RASAL2: variants seen among roughly 807,000 people sequenced by gnomAD.
RASAL2 encodes the protein ras GTPase-activating protein nGAP.
Under a neutral mutation model 128.9 loss-of-function variants are expected in RASAL2, and 58 were observed. That is an observed-to-expected ratio of 0.45 (90% CI 0.36 to 0.56). The LOEUF (loss-of-function observed/expected upper bound fraction) is 0.56. Among genes scored for constraint, RASAL2 ranks in the 20% least tolerant of loss-of-function variants. The probability of loss-of-function intolerance (pLI) is 0.00; values close to 1 mark genes in which losing one functional copy is unlikely to be tolerated. For synonymous variants in RASAL2, 561 were observed against 580.8 expected (o/e 0.97, Z 0.49); for missense variants, 1,360 against 1,601.6 (o/e 0.85, Z 2.57).
chr1:178,327,922 G>C (rs917328782), intron 3 of RASAL2, among the ~76,000 whole-genome samples: 3 of 152,214 alleles, frequency 2.0e-5, no homozygotes, highest in Admixed American at 6.5e-5. Context: ...ACAATGATTG[G>C]AGTAAAGCAG....
chr1:178,259,922 G>A (rs1469785950), intron 1 of RASAL2, among the ~76,000 whole-genome samples: 1 of 152,148 alleles, frequency 6.6e-6, no homozygotes, highest in Non-Finnish European at 1.5e-5. Context: ...ACTTCAGAGT[G>A]TAGAGTACAG....
intron 3 of RASAL2, among the ~76,000 whole-genome samples, chr1:178,313,841 A>T (rs908276142): frequency 2.6e-5 from 4 of 152,142 alleles, no homozygotes; most frequent in African/African-American, 9.7e-5. Context: ...GTTTTTCCTT[A>T]TCTAAGGTAA....
intron 1 of RASAL2, among the ~76,000 whole-genome samples, chr1:178,114,457 A>G (rs1020775657): frequency 1.3e-4 from 19 of 151,730 alleles, no homozygotes; most frequent in East Asian, 3.9e-4. Context: ...TCCTGTATCT[A>G]TGGAGAAGAC....
intron 4 of RASAL2, among the ~76,000 whole-genome samples, chr1:178,401,527 G>A (rs1487588914): frequency 6.6e-6 from 1 of 152,176 alleles, no homozygotes; most frequent in Admixed American, 6.5e-5. Context: ...GTAGTTCCAA[G>A]CTATTTGGGA....
chr1:178,183,036 G>A (rs753016192), intron 1 of RASAL2, among the ~76,000 whole-genome samples: 1 of 152,152 alleles, frequency 6.6e-6, no homozygotes, highest in African/African-American at 2.4e-5. Flanking sequence ...AGCTCAGGCA[G>A]TAATGCTCAC....
chr1:178,445,091 G>A (rs12060775), intron 8 of RASAL2, among the ~76,000 whole-genome samples: 5,719 of 151,222 alleles, frequency 0.038, 356 homozygotes, highest in African/African-American at 0.13. Flanking sequence ...CTACCTGACA[G>A]TGGGAGTGGA....
intron 17 of RASAL2, among the ~76,000 whole-genome samples, chr1:178,467,996 TAAAA>T (rs979331039): frequency 6.6e-6 from 1 of 152,158 alleles, no homozygotes; most frequent in African/African-American, 2.4e-5. Context: ...GATAAAACTT[TAAAA>T]AAAGAAAAGG....
intron 1 of RASAL2, among the ~76,000 whole-genome samples, chr1:178,229,891 C>G (rs1663931525): frequency 6.6e-6 from 1 of 152,044 alleles, no homozygotes; most frequent in African/African-American, 2.4e-5. Flanking sequence ...CCTCATAATC[C>G]AGATCCCTAT....
At chr1:178,397,530 A>G (rs1345928595) in intron 4 of RASAL2, among the ~76,000 whole-genome samples, 1 of 152,170 alleles carries the variant, frequency 6.6e-6, no homozygotes, top group Non-Finnish European at 1.5e-5. Context: ...CATAATGAAA[A>G]TGTTCAGGAA....
At chr1:178,442,569 TG>T in intron 7 of RASAL2, 105 bp from the exon 8 acceptor site, 1 of 880,852 alleles carries the variant, frequency 1.1e-6, no homozygotes, top group Non-Finnish European at 1.7e-6. Flanking sequence ...CATTATTTGT[TG>T]ACTCCCCTTA....
intron 1 of RASAL2, among the ~76,000 whole-genome samples, chr1:178,106,800 A>C (rs564847993): frequency 6.6e-6 from 1 of 152,286 alleles, no homozygotes; most frequent in South Asian, 2.1e-4. Context: ...AGTTCAACCA[A>C]AATAAGCTTA....
At chr1:178,187,020 G>A (rs1212606517) in intron 1 of RASAL2, among the ~76,000 whole-genome samples, 1 of 151,926 alleles carries the variant, frequency 6.6e-6, no homozygotes, top group Non-Finnish European at 1.5e-5. Flanking sequence ...GTGGAGAGAA[G>A]GGTCTCTGTG....
chr1:178,271,433 G>A (rs957032879), intron 1 of RASAL2, among the ~76,000 whole-genome samples: 5 of 152,090 alleles, frequency 3.3e-5, no homozygotes, highest in African/African-American at 4.8e-5. Flanking sequence ...AATTATATAT[G>A]TTCAATCTAC....
At chr1:178,422,326 T>C (rs1310738721) in intron 5 of RASAL2, among the ~76,000 whole-genome samples, 1 of 152,046 alleles carries the variant, frequency 6.6e-6, no homozygotes, top group Non-Finnish European at 1.5e-5. Context: ...TTTCCAGTGA[T>C]TGAAATGTAT....
At chr1:178,138,826 T>TTA (rs1660427088) in intron 1 of RASAL2, among the ~76,000 whole-genome samples, 1 of 152,068 alleles carries the variant, frequency 6.6e-6, no homozygotes, top group African/African-American at 2.4e-5. Context: ...TCAAATCAAT[T>TTA]TATATATATA....
intron 1 of RASAL2, among the ~76,000 whole-genome samples, chr1:178,218,755 T>C (rs527577151): frequency 6.6e-6 from 1 of 152,348 alleles, no homozygotes; most frequent in Admixed American, 6.5e-5. Flanking sequence ...ATTTTAATGA[T>C]AGAGTGCAGT....
chr1:178,199,007 A>T (rs747649423), intron 1 of RASAL2, among the ~76,000 whole-genome samples: 63 of 152,192 alleles, frequency 4.1e-4, no homozygotes, highest in Non-Finnish European at 5.9e-4. Flanking sequence ...TTGTTTACCT[A>T]CTCAAGTAAT....
Position 178,478,256 on chromosome 1 carries a change from C to T in RASAL2, c.*5017C>T, listed in dbSNP as rs1648811133. ...GACCTCCATCATCTTTGTGGGGGTA[C>T]AGATATTTATGTGTAAATATCATTT... On this transcript the variant is annotated 3_prime_UTR_variant, in exon 18 of 18. Coordinates refer to ENST00000367649, the MANE Select transcript of RASAL2 (RefSeq NM_170692.4). 6.6e-6 allele frequency: 1 copy of T among 151,886 alleles called. No homozygotes were observed. The highest frequency in any genetic ancestry group is 1.5e-5 in the Non-Finnish European group (1 of 67,998). 9.4% of individuals were successfully genotyped at this position (151,886 alleles called of 1,614,324 possible).
chr1:178,193,973 G>A (rs1021293811), intron 1 of RASAL2, among the ~76,000 whole-genome samples: 5 of 152,310 alleles, frequency 3.3e-5, no homozygotes, highest in African/African-American at 1.2e-4. Flanking sequence ...TCACTGTGAT[G>A]TATGGTCAAA....
Sources: allele counts gnomAD v4.1 joint callset (sites outside exome capture counted in the v4.1 genomes callset), GRCh38; gene constraint gnomAD v4.1.1; transcripts MANE v1.5; gene names NCBI Gene and HGNC (gene_info 2026-07-23, HGNC 2026-07-21).